Variants in MTX2 observed in about 807,000 individuals in gnomAD.
MTX2 encodes the protein metaxin 2, also known as metaxin-2.
In MTX2, 35 loss-of-function variants were observed where a neutral mutation model predicts 42.3. The observed-to-expected ratio is 0.83, with a 90% CI of 0.63 to 1.10. MTX2 has a LOEUF of 1.10. Among genes scored for constraint, MTX2 ranks in the 50% least tolerant of loss-of-function variants. The pLI is 0.00. For missense variants in MTX2, 307 were observed against 304.1 expected (o/e 1.01, Z -0.07); for synonymous variants, 119 against 100.9 (o/e 1.18, Z -1.08).
intron 3 of MTX2, among the ~76,000 whole-genome samples, chr2:176,318,709 T>A (rs1028797126): frequency 6.6e-6 from 1 of 152,238 alleles, no homozygotes. Flanking sequence ...AAATAATGTT[T>A]GCTATAATCA....
At chr2:176,301,847 C>T (rs186045567) in intron 3 of MTX2, among the ~76,000 whole-genome samples, 5 of 152,060 alleles carry the variant, frequency 3.3e-5, no homozygotes, top group African/African-American at 1.2e-4. Context: ...GATAGTCTTA[C>T]CTCTATAATA....
intron 3 of MTX2, 102 bp downstream of exon 3, chr2:176,297,997 A>G (rs1037242798): frequency 2.3e-5 from 17 of 725,806 alleles, no homozygotes; most frequent in Admixed American, 2.2e-4. Context: ...CTGATACTAT[A>G]TGTTTAGATT....
intron 3 of MTX2, among the ~76,000 whole-genome samples, chr2:176,309,340 A>G (rs1008076611): frequency 2.6e-5 from 4 of 152,124 alleles, no homozygotes; most frequent in Admixed American, 6.5e-5. Flanking sequence ...AATAAGTGCA[A>G]TGTGTTGCTG....
chr2:176,313,376 T>G (rs1298981253), intron 3 of MTX2, among the ~76,000 whole-genome samples: 1 of 150,410 alleles, frequency 6.6e-6, no homozygotes, highest in Non-Finnish European at 1.5e-5. Flanking sequence ...TTCTTATTGT[T>G]CTACACTGAT....
intron 3 of MTX2, among the ~76,000 whole-genome samples, chr2:176,315,274 C>G (rs745640511): frequency 1.3e-5 from 2 of 152,220 alleles, no homozygotes; most frequent in Non-Finnish European, 2.9e-5. Flanking sequence ...GCTCACCCCA[C>G]AGTTTTTCCT....
At chr2:176,290,832 CATAA>C (rs1395629464) in intron 1 of MTX2, among the ~76,000 whole-genome samples, 1 of 148,448 alleles carries the variant, frequency 6.7e-6, no homozygotes, top group Non-Finnish European at 1.5e-5. Context: ...GGAAGAAAAA[CATAA>C]ATTAACTATA....
intron 3 of MTX2, among the ~76,000 whole-genome samples, chr2:176,298,111 AT>A (rs879265970): frequency 2.6e-4 from 32 of 124,002 alleles, no homozygotes; most frequent in African/African-American, 4.2e-4. Context: ...TAAAATAAAC[AT>A]AAATTTTTTT....
At chr2:176,289,448 G>A (rs1415609713) in intron 1 of MTX2, among the ~76,000 whole-genome samples, 3 of 152,032 alleles carry the variant, frequency 2.0e-5, no homozygotes, top group Admixed American at 2.0e-4. Context: ...AGAATAATCA[G>A]GGCCTGGGCA....
In MTX2 at chr2:176,269,512, G is replaced by A. The variant is rs1558919546; in HGVS notation, c.-118G>A. 8 of 1,163,522 alleles carry A rather than the reference G, an allele frequency of 6.9e-6. 1 individual carries two copies. The South Asian group carries it at 1.1e-4, about 16-fold the overall frequency. The allele number at this position is 1,163,522 out of a possible 1,614,324, so 72.1% of individuals were successfully genotyped here. ...CGCCGCTGCTGTTGGAGTGGGCTTT[G>A]CGAGTCTGAACGTTGGCGGGGCTAG... On this transcript the variant is annotated 5_prime_UTR_variant, in exon 1 of 10. Coordinates refer to ENST00000249442, the MANE Select transcript of MTX2 (RefSeq NM_006554.5).
intron 3 of MTX2, among the ~76,000 whole-genome samples, chr2:176,317,156 C>T (rs975663346): frequency 2.6e-5 from 4 of 151,598 alleles, no homozygotes; most frequent in Middle Eastern, 3.4e-3. Flanking sequence ...TTTATTTATT[C>T]ATCTGGTAAT....
chr2:176,298,930 G>A (rs1683957860), intron 3 of MTX2, among the ~76,000 whole-genome samples: 1 of 152,096 alleles, frequency 6.6e-6, no homozygotes, highest in South Asian at 2.1e-4. Flanking sequence ...TATTCTGCAT[G>A]TGGTTTCAGT....
At chr2:176,303,514 C>A (rs1684075197) in intron 3 of MTX2, among the ~76,000 whole-genome samples, 1 of 152,008 alleles carries the variant, frequency 6.6e-6, no homozygotes, top group South Asian at 2.1e-4. Flanking sequence ...GATTGTCTTA[C>A]ATTATTATAG....
At chr2:176,273,172 T>C (rs1692864801) in intron 1 of MTX2, among the ~76,000 whole-genome samples, 1 of 152,222 alleles carries the variant, frequency 6.6e-6, no homozygotes, top group South Asian at 2.1e-4. Context: ...AATCCATTCA[T>C]GAGGGTGGAG....
intron 1 of MTX2, among the ~76,000 whole-genome samples, chr2:176,291,360 A>G (rs1484889975): frequency 4.6e-5 from 7 of 152,188 alleles, no homozygotes; most frequent in African/African-American, 1.7e-4. Flanking sequence ...GATAGTGCTA[A>G]TAATGAAAAC....
At chr2:176,273,914 A>T (rs1575028947) in intron 1 of MTX2, among the ~76,000 whole-genome samples, 1 of 85,404 alleles carries the variant, frequency 1.2e-5, no homozygotes, top group Non-Finnish European at 2.8e-5. Context: ...AATTTTCCTT[A>T]AAAAAAAAAA....
At chr2:176,270,345 G>T in intron 1 of MTX2, 1 of 1,358,148 alleles carries the variant, frequency 7.4e-7, no homozygotes, top group South Asian at 1.1e-5. Flanking sequence ...CGGATTCATG[G>T]AAAATTTTTA....
intron 3 of MTX2, 44 bp downstream of exon 3, chr2:176,297,939 G>A (rs1050794365): frequency 2.8e-6 from 4 of 1,432,834 alleles, no homozygotes; most frequent in Non-Finnish European, 3.8e-6. Context: ...CCCCTAGGTG[G>A]TTTGCATCAT....
chr2:176,332,639 C>T (rs1684889899), intron 9 of MTX2, among the ~76,000 whole-genome samples: 1 of 151,134 alleles, frequency 6.6e-6, no homozygotes, highest in Non-Finnish European at 1.5e-5. Context: ...GGAGATCTCA[C>T]AGAAAGAATA....
intron 9 of MTX2, among the ~76,000 whole-genome samples, 188 bp downstream of exon 9, chr2:176,330,848 A>G (rs16863688): frequency 0.032 from 4,770 of 151,220 alleles, 240 homozygotes; most frequent in African/African-American, 0.11. Context: ...TTTCTAAAAT[A>G]TGGTCCTTAT....
Sources: gnomAD v4.1 joint callset for allele counts (sites outside exome capture counted in the v4.1 genomes callset) on GRCh38, gnomAD v4.1.1 for gene constraint, MANE v1.5 for transcripts, NCBI Gene and HGNC (gene_info 2026-07-23, HGNC 2026-07-21) for gene names.